Variants in PDE11A observed in about 807,000 individuals in gnomAD.
The protein encoded by PDE11A is dual 3',5'-cyclic-AMP and -GMP phosphodiesterase 11A.
In PDE11A, 100 loss-of-function variants were observed where a neutral mutation model predicts 100.5. That is an observed-to-expected ratio of 1.00 (90% confidence interval 0.85 to 1.18). The LOEUF is 1.18. Ranked by LOEUF, PDE11A falls within the 50% of genes most tolerant of loss-of-function variation. The pLI is 0.00. For synonymous variants in PDE11A, 381 were observed against 420.8 expected, an observed-to-expected ratio of 0.91 and a Z score of 1.16; for missense variants, 1,141 against 1,152.6, an observed-to-expected ratio of 0.99 and a Z score of 0.15.
At chr2:177,995,721 A>G (rs2086064804) in intron 2 of PDE11A, among the ~76,000 whole-genome samples, 1 of 150,970 alleles carries the variant, frequency 6.6e-6, no homozygotes, top group African/African-American at 2.4e-5. Context: ...TAATAACCTG[A>G]GAAGTTAAAA....
chr2:178,062,141 G>A (rs1266287410), intron 1 of PDE11A, among the ~76,000 whole-genome samples: 1 of 152,106 alleles, frequency 6.6e-6, no homozygotes, highest in Non-Finnish European at 1.5e-5. Flanking sequence ...TCAGCTTCCA[G>A]CTGTTCGTCT....
chr2:177,678,226 A>C (rs2080808722), intron 16 of PDE11A, among the ~76,000 whole-genome samples: 1 of 152,200 alleles, frequency 6.6e-6, no homozygotes, highest in Non-Finnish European at 1.5e-5. Context: ...AAAAGCAGGA[A>C]TATGAGTTCT....
At chr2:177,908,155 C>T (rs2084820081) in intron 2 of PDE11A, among the ~76,000 whole-genome samples, 1 of 152,210 alleles carries the variant, frequency 6.6e-6, no homozygotes, top group South Asian at 2.1e-4. Flanking sequence ...TCATACATAT[C>T]TTTCATACAA....
chr2:178,027,957 T>G (rs1208436099), intron 1 of PDE11A, among the ~76,000 whole-genome samples: 1 of 152,042 alleles, frequency 6.6e-6, no homozygotes, highest in Non-Finnish European at 1.5e-5. Flanking sequence ...CCAGTAAATA[T>G]AAGTTTGTAA....
At chr2:177,754,321 T>G (rs553030466) in intron 10 of PDE11A, among the ~76,000 whole-genome samples, 90 of 152,180 alleles carry the variant, frequency 5.9e-4, no homozygotes, top group Non-Finnish European at 1.0e-3. Flanking sequence ...TGAAGAACAT[T>G]GCAGAAAATA....
intron 11 of PDE11A, 55 bp downstream of exon 11, chr2:177,727,971 G>A: frequency 6.7e-7 from 1 of 1,491,840 alleles, no homozygotes; most frequent in Non-Finnish European, 9.3e-7. Context: ...GGTTCAGAGT[G>A]GCTAACACGT....
chr2:178,085,539 T>A (rs374990888), intron 2 of PDE11A, among the ~76,000 whole-genome samples: 4 of 148,908 alleles, frequency 2.7e-5, no homozygotes, highest in Non-Finnish European at 3.0e-5. Context: ...ATAGTTGAAA[T>A]AAAAAAAAAA....
At chr2:177,810,800 T>C (rs2105569069) in intron 9 of PDE11A, among the ~76,000 whole-genome samples, 1 of 152,018 alleles carries the variant, frequency 6.6e-6, no homozygotes, top group Admixed American at 6.6e-5. Context: ...GAAGAACAAG[T>C]AGAAGGCTAT....
intron 2 of PDE11A, among the ~76,000 whole-genome samples, chr2:178,079,603 C>T (rs759412066): frequency 7.2e-5 from 11 of 152,182 alleles, no homozygotes; most frequent in African/African-American, 2.2e-4. Context: ...TGAACATACA[C>T]GTACATGTAT....
chr2:177,841,849 C>T (rs1257905316), intron 5 of PDE11A, among the ~76,000 whole-genome samples: 1 of 152,146 alleles, frequency 6.6e-6, no homozygotes, highest in Non-Finnish European at 1.5e-5. Context: ...AGACTGAGTA[C>T]TTCAAAGAGA....
intron 2 of PDE11A, among the ~76,000 whole-genome samples, chr2:178,007,817 G>A (rs1462627506): frequency 3.3e-5 from 5 of 152,062 alleles, no homozygotes; most frequent in African/African-American, 7.2e-5. Flanking sequence ...CAATTCTCCT[G>A]CCTCAGCCTC....
At position 177,853,558 on chromosome 2, in the gene PDE11A, C is replaced by T. The variant is rs139839100; in HGVS notation, c.1368-13175G>A. Among the ~76,000 whole-genome samples, 56 of 147,150 alleles carry T rather than the reference C, an allele frequency of 3.8e-4. 1 individual carries two copies. In the East Asian group the frequency reaches 7.2e-3, roughly 19 times the overall value. On this transcript the variant is annotated intron_variant, in intron 5 of 19. Transcript: ENST00000286063. ...CTGCTGGAGGTTTCAAGTAGCCCCA[C>T]AATATCTCTCTGTGAGGGTGCTGTG...
At chr2:177,714,667 T>G (rs1426294256) in intron 12 of PDE11A, among the ~76,000 whole-genome samples, 2 of 152,190 alleles carry the variant, frequency 1.3e-5, no homozygotes, top group African/African-American at 4.8e-5. Context: ...TATATTACCA[T>G]CCTATAAATA....
chr2:177,795,693 A>G (rs2082696065), intron 9 of PDE11A, among the ~76,000 whole-genome samples: 1 of 151,810 alleles, frequency 6.6e-6, no homozygotes, highest in South Asian at 2.1e-4. Flanking sequence ...GATAATTTAC[A>G]TATTTATGGG....
In PDE11A at chr2:177,711,797, T is replaced by G; in HGVS notation, c.2125A>C (p.Arg709=). 1.2e-6 allele frequency: 2 copies of G among 1,605,168 alleles called. No individual in the cohort carries two copies. The highest frequency in any genetic ancestry group is 2.2e-5 in the South Asian group (2 of 90,888). ...VGCLCHDLDH[R]GTNNAFQAKS... is the part of the protein sequence containing the mutation. Reference sequence around the variant, plus strand: ...GCTTGGAAGGCATTGTTGGTTCCCCTGTGGTCGAGGTCATGACACAGGCAT... The same window carrying G: ...GCTTGGAAGGCATTGTTGGTTCCCCGGTGGTCGAGGTCATGACACAGGCAT... The change falls in exon 13 of 20, where the codon AGG becomes CGG. Residue 709 remains arginine, a synonymous_variant. Transcript: ENST00000286063.
intron 10 of PDE11A, among the ~76,000 whole-genome samples, chr2:177,747,269 C>T (rs890420203): frequency 6.6e-6 from 1 of 152,220 alleles, no homozygotes; most frequent in Non-Finnish European, 1.5e-5. Context: ...ATACAGCCAG[C>T]GTTCCCTCGA....
At chr2:177,754,385 T>C (rs1483787345) in intron 10 of PDE11A, among the ~76,000 whole-genome samples, 1 of 152,170 alleles carries the variant, frequency 6.6e-6, no homozygotes, top group African/African-American at 2.4e-5. Context: ...AAACTCAAGG[T>C]TGTCCTACCC....
At chr2:177,711,964 T>G in intron 12 of PDE11A, 86 bp from the exon 13 acceptor site, 1 of 717,772 alleles carries the variant, frequency 1.4e-6, no homozygotes, top group Non-Finnish European at 2.5e-6. Flanking sequence ...TCAACTCTGT[T>G]TTCATACCCA....
chr2:178,079,926 T>C (rs961926470), intron 2 of PDE11A, among the ~76,000 whole-genome samples: 4 of 152,258 alleles, frequency 2.6e-5, no homozygotes, highest in Admixed American at 2.0e-4. Context: ...CATATGTTTG[T>C]TGGGCACATG....
Sources: allele counts gnomAD v4.1 joint callset (sites outside exome capture counted in the v4.1 genomes callset), GRCh38; gene constraint gnomAD v4.1.1; transcripts MANE v1.5; gene names NCBI Gene and HGNC (gene_info 2026-07-23, HGNC 2026-07-21).